Variants in VAT1L observed in about 807,000 individuals in gnomAD.
The protein encoded by VAT1L is putative NADPH-dependent quinone oxidoreductase VAT1L.
In VAT1L, 34 loss-of-function variants were observed where a neutral mutation model predicts 44.1. The ratio of observed to expected loss-of-function variants is 0.77; its 90% CI spans 0.59 to 1.03. The LOEUF (loss-of-function observed/expected upper bound fraction) is 1.03, where lower values mean the gene tolerates loss of function less well. Ranked by LOEUF, VAT1L falls within the 50% of genes least tolerant of loss-of-function variation. The pLI is 0.00. For missense variants in VAT1L, 615 were observed against 538.8 expected, an observed-to-expected ratio of 1.14 and a Z score of -1.40; for synonymous variants, 253 against 202.2, an observed-to-expected ratio of 1.25 and a Z score of -2.13.
intron 3 of VAT1L, among the ~76,000 whole-genome samples, chr16:77,832,320 G>A (rs772098278): frequency 3.9e-5 from 6 of 152,172 alleles, no homozygotes; most frequent in African/African-American, 1.2e-4. Flanking sequence ...AGGATTCCAC[G>A]AAGGCAAATG....
At chr16:77,903,913 T>C (rs751932216) in intron 7 of VAT1L, among the ~76,000 whole-genome samples, 16 of 151,838 alleles carry the variant, frequency 1.1e-4, no homozygotes, top group Non-Finnish European at 2.1e-4. Context: ...ATTTTTTGTA[T>C]TTTTAGTAAA....
chr16:77,791,350 C>A (rs2015832052), intron 1 of VAT1L, among the ~76,000 whole-genome samples: 1 of 152,054 alleles, frequency 6.6e-6, no homozygotes, highest in African/African-American at 2.4e-5. Flanking sequence ...TCCATTTGAA[C>A]CAGTATTAGA....
At chr16:77,938,456 G>T (rs2017831391) in intron 7 of VAT1L, among the ~76,000 whole-genome samples, 1 of 152,218 alleles carries the variant, frequency 6.6e-6, no homozygotes, top group Admixed American at 6.5e-5. Flanking sequence ...GTAATCCCCA[G>T]TGTTGGAGGA....
At chr16:77,870,000 C>G (rs2017014184) in intron 4 of VAT1L, among the ~76,000 whole-genome samples, 1 of 152,080 alleles carries the variant, frequency 6.6e-6, no homozygotes. Flanking sequence ...TAATAAGAGT[C>G]TAATCACCTG....
intron 6 of VAT1L, among the ~76,000 whole-genome samples, chr16:77,881,242 G>A (rs904503491): frequency 1.1e-4 from 16 of 152,292 alleles, no homozygotes; most frequent in South Asian, 4.1e-4. Context: ...CCAGTGCAGC[G>A]TCAATTGATC....
chr16:77,797,273 G>A (rs1002107417), intron 1 of VAT1L, among the ~76,000 whole-genome samples: 1 of 151,874 alleles, frequency 6.6e-6, no homozygotes, highest in Non-Finnish European at 1.5e-5. Flanking sequence ...CACCACACCC[G>A]GCTAATTTTT....
At chr16:77,890,817 A>G (rs1168733329) in intron 7 of VAT1L, among the ~76,000 whole-genome samples, 1 of 151,544 alleles carries the variant, frequency 6.6e-6, no homozygotes, top group East Asian at 2.0e-4. Context: ...CCAGGTACTC[A>G]GGAGGCTGAG....
intron 4 of VAT1L, among the ~76,000 whole-genome samples, chr16:77,871,395 CA>C (rs2017030779): frequency 6.6e-6 from 1 of 152,134 alleles, no homozygotes; most frequent in African/African-American, 2.4e-5. Flanking sequence ...AGGAGACCCA[CA>C]AGTGTCTCCT....
chr16:77,954,995 T>C (rs2088517534), intron 7 of VAT1L, among the ~76,000 whole-genome samples: 1 of 152,228 alleles, frequency 6.6e-6, no homozygotes, highest in East Asian at 1.9e-4. Context: ...GAAAAGCTAA[T>C]GTAACCACTT....
intron 4 of VAT1L, 82 bp from the exon 5 acceptor site, chr16:77,876,288 A>G: frequency 8.0e-7 from 1 of 1,249,166 alleles, no homozygotes; most frequent in Non-Finnish European, 1.2e-6. Flanking sequence ...AGAGTCAGAC[A>G]ATATGACACA....
At chr16:77,971,768 C>T in intron 7 of VAT1L, 82 bp from the exon 8 acceptor site, 2 of 1,438,576 alleles carry the variant, frequency 1.4e-6, no homozygotes, top group South Asian at 2.7e-5. Context: ...GGTCACTTGA[C>T]AGTTTGAGTT....
chr16:77,795,960 G>A (rs1051570035), intron 1 of VAT1L, among the ~76,000 whole-genome samples: 1 of 151,602 alleles, frequency 6.6e-6, no homozygotes, highest in African/African-American at 2.4e-5. Flanking sequence ...CAAGTAGCTG[G>A]GATTACAGGT....
intron 4 of VAT1L, among the ~76,000 whole-genome samples, chr16:77,871,510 A>G (rs190667533): frequency 6.8e-4 from 103 of 152,192 alleles, no homozygotes; most frequent in Middle Eastern, 3.4e-3. Flanking sequence ...GTTGGCCGCT[A>G]CTTACCCTAT....
At chr16:77,886,183 T>C (rs2017207443) in intron 7 of VAT1L, among the ~76,000 whole-genome samples, 1 of 152,212 alleles carries the variant, frequency 6.6e-6, no homozygotes, top group South Asian at 2.1e-4. Context: ...TAATTGTGCA[T>C]GCCTTCTGCT....
At chr16:77,891,754 T>A (rs898293883) in intron 7 of VAT1L, among the ~76,000 whole-genome samples, 1 of 152,226 alleles carries the variant, frequency 6.6e-6, no homozygotes, top group Admixed American at 6.5e-5. Flanking sequence ...GACCTTTATC[T>A]GTCCCAGGAC....
chr16:77,921,906 G>A (rs1180532888), intron 7 of VAT1L, among the ~76,000 whole-genome samples: 1 of 151,822 alleles, frequency 6.6e-6, no homozygotes, highest in Non-Finnish European at 1.5e-5. Context: ...ACTACACCTG[G>A]GTAATTTTTA....
chr16:77,923,292 T>C (rs956805618), intron 7 of VAT1L, among the ~76,000 whole-genome samples: 3 of 152,036 alleles, frequency 2.0e-5, no homozygotes, highest in African/African-American at 7.2e-5. Flanking sequence ...CTACCAAAAA[T>C]ACAAAAAATT....
At chr16:77,854,641 G>A (rs745712881) in intron 3 of VAT1L, among the ~76,000 whole-genome samples, 1 of 152,098 alleles carries the variant, frequency 6.6e-6, no homozygotes, top group South Asian at 2.1e-4. Context: ...ACCTCTATGC[G>A]TCGATGAAGA....
At chr16:77,870,834 G>C (rs1352132785) in intron 4 of VAT1L, among the ~76,000 whole-genome samples, 1 of 152,210 alleles carries the variant, frequency 6.6e-6, no homozygotes, top group Non-Finnish European at 1.5e-5. Flanking sequence ...AAATGATGAA[G>C]ATGGTCTTTG....
Sources: allele counts gnomAD v4.1 joint callset (sites outside exome capture counted in the v4.1 genomes callset), GRCh38; gene constraint gnomAD v4.1.1; transcripts MANE v1.5; gene names NCBI Gene and HGNC (gene_info 2026-07-23, HGNC 2026-07-21).